GRIA2: variants seen among roughly 807,000 people sequenced by gnomAD.
The protein encoded by GRIA2 is glutamate ionotropic receptor AMPA type subunit 2.
A neutral mutation model predicts 97.3 loss-of-function variants in GRIA2; 14 were observed. The ratio of observed to expected loss-of-function variants is 0.14; its 90% CI spans 0.10 to 0.23. The LOEUF is 0.23. Ranked by LOEUF, GRIA2 falls within the 10% of genes least tolerant of loss-of-function variation. The pLI is 1.00. For missense variants in GRIA2, 558 were observed against 1,069.8 expected, an observed-to-expected ratio of 0.52 and a Z score of 6.67; for synonymous variants, 412 against 387.8, an observed-to-expected ratio of 1.06 and a Z score of -0.73.
intron 2 of GRIA2, among the ~76,000 whole-genome samples, chr4:157,222,308 G>A (rs1350742787): frequency 6.6e-6 from 1 of 152,174 alleles, no homozygotes; most frequent in Non-Finnish European, 1.5e-5. Context: ...GTTTAGATCC[G>A]CAGCACCGGC....
rs143810951 is a variant in GRIA2 at position 157,357,842 on chromosome 4, C to G, written c.2044-2054C>G. On this transcript the variant is annotated intron_variant, in intron 12 of 15. Transcript: ENST00000264426. ...CATTCTTGGAAATATTATATTTACA[C>G]TTAGAGAAATATTCTTAAAACCAGC... 5.3e-5 allele frequency among the ~76,000 whole-genome samples: 8 copies of G among 152,116 alleles called. No individual in the cohort carries two copies. The East Asian group carries it at 9.7e-4, about 18-fold the overall frequency.
At position 157,355,982 on chromosome 4, in the gene GRIA2, T is replaced by A. The variant is rs1232688809; in HGVS notation, c.2044-3914T>A. On this transcript the variant is annotated intron_variant, in intron 12 of 15. Transcript: ENST00000264426. The stretch of plus-strand genomic sequence containing the variant: ...ATTTATGTATATTAATATATATATT[T>A]ATATATTTATATATATTTATATATG... Among the ~76,000 whole-genome samples, 251 of 61,508 alleles carry A rather than the reference T, an allele frequency of 4.1e-3. 13 individuals carry two copies. The highest frequency in any genetic ancestry group is 5.9e-3 in the East Asian group (16 of 2,706). The allele number at this position is 61,508 out of a possible 152,430, so 40.4% of individuals were successfully genotyped here.
chr4:157,342,531 C>G, intron 12 of GRIA2: 1 of 714,918 alleles, frequency 1.4e-6, no homozygotes, highest in South Asian at 6.3e-5. Context: ...TACTTTAATG[C>G]AGATTTTAGA....
rs1481433334 is a variant in GRIA2, at chr4:157,329,061, C to T, written c.883-3758C>T. Among the ~76,000 whole-genome samples, 3 of 151,840 alleles carry T rather than the reference C, an allele frequency of 2.0e-5. No individual in the cohort carries two copies. In the East Asian group the frequency reaches 5.8e-4, roughly 29 times the overall value. On this transcript the variant is annotated intron_variant, in intron 6 of 15. Transcript: ENST00000264426. The stretch of plus-strand genomic sequence containing the variant: ...CGACCTTATCACAGACAGCTCTTTT[C>T]CATAGGGTAAACTGTAGTTGAATTT...
At chr4:157,291,069 G>A (rs1560750109) in intron 2 of GRIA2, among the ~76,000 whole-genome samples, 1 of 151,942 alleles carries the variant, frequency 6.6e-6, no homozygotes, top group African/African-American at 2.4e-5. Flanking sequence ...ACATGCAGTT[G>A]AAATAACTTA....
intron 12 of GRIA2, among the ~76,000 whole-genome samples, chr4:157,354,497 C>A (rs942844638): frequency 1.1e-4 from 17 of 152,078 alleles, no homozygotes; most frequent in African/African-American, 4.1e-4. Flanking sequence ...ATTAATAACA[C>A]AAAACCATGG....
At chr4:157,303,474 C>A (rs1026071764) in intron 2 of GRIA2, 78 bp from the exon 3 acceptor site, 2 of 1,160,862 alleles carry the variant, frequency 1.7e-6, no homozygotes, top group African/African-American at 3.1e-5. Context: ...TGTAAAAGGA[C>A]ATTACGTTTT....
chr4:157,260,448 T>TA (rs1047780831), intron 2 of GRIA2, among the ~76,000 whole-genome samples: 1 of 152,116 alleles, frequency 6.6e-6, no homozygotes, highest in Non-Finnish European at 1.5e-5. Flanking sequence ...TCTGAAGCAC[T>TA]TTGTCCCTTT....
chr4:157,333,185 G>C, intron 7 of GRIA2, 64 bp from the exon 8 acceptor site: 2 of 1,005,970 alleles, frequency 2.0e-6, no homozygotes, highest in Non-Finnish European at 3.0e-6. Context: ...AAAGTAATCT[G>C]TACAGTGTAT....
intron 12 of GRIA2, among the ~76,000 whole-genome samples, chr4:157,353,517 A>T (rs1190361096): frequency 1.3e-5 from 2 of 151,768 alleles, no homozygotes; most frequent in Non-Finnish European, 2.9e-5. Context: ...AAAAATAATA[A>T]AAAAAAAAAT....
intron 2 of GRIA2, among the ~76,000 whole-genome samples, chr4:157,263,188 C>G (rs1420297565): frequency 2.6e-5 from 4 of 151,902 alleles, no homozygotes; most frequent in Non-Finnish European, 5.9e-5. Flanking sequence ...GATATTATAC[C>G]CTTGTTTTTT....
At chr4:157,323,215 A>G (rs562269403) in intron 6 of GRIA2, among the ~76,000 whole-genome samples, 9 of 151,536 alleles carry the variant, frequency 5.9e-5, no homozygotes, top group Admixed American at 1.3e-4. Context: ...GGCTCCTGTA[A>G]TCCCAGCTAC....
chr4:157,336,657 G>T lies in GRIA2; in HGVS notation c.1754G>T (p.Ser585Ile). The T allele has an allele frequency of 6.2e-7, 1 of 1,613,090 alleles. No homozygotes were observed. The highest frequency in any genetic ancestry group is 1.1e-5 in the South Asian group (1 of 91,068). The change falls in exon 11 of 16, where the codon AGT becomes ATT. Residue 585 changes from serine to isoleucine, a missense_variant. Around this residue, in one of 8 missense-constraint regions of GRIA2, gnomAD observed 125 missense variants for 310.2 expected, o/e 0.40. Coordinates refer to ENST00000264426, the MANE Select transcript of GRIA2 (RefSeq NM_001083619.3). ...TTTGAAGATGGAAGAGAAACACAAA[G>T]TAGTGAATCAACTAATGAATTTGGG... ...EEFEDGRETQ[S>I]SESTNEFGIF...
rs5863257 is a variant in GRIA2 at position 157,228,790 on chromosome 4, C to CAAA, written c.229+7001_229+7003dup. On this transcript the variant is annotated intron_variant, in intron 2 of 15. Transcript: ENST00000264426. ...CCTTGGAGATGGCAAGATTCCATCT[C>CAAA]AAAAAAAAAAAAAAAAAAAAGAAGG... is the stretch of plus-strand genomic sequence containing the variant. Among the ~76,000 whole-genome samples the CAAA allele has an allele frequency of 8.1e-3, 320 of 39,592 alleles. 13 individuals carry two copies. The highest frequency in any genetic ancestry group is 0.035 in the African/African-American group (285 of 8,176). The allele number at this position is 39,592 out of a possible 152,430, so 26.0% of individuals were successfully genotyped here.
intron 2 of GRIA2, among the ~76,000 whole-genome samples, chr4:157,277,275 A>G (rs1163290811): frequency 6.6e-6 from 1 of 151,970 alleles, no homozygotes; most frequent in African/African-American, 2.4e-5. Flanking sequence ...AACAAACTAA[A>G]AAAGAAAGAT....
chr4:157,227,903 A>G (rs1729819710), intron 2 of GRIA2, among the ~76,000 whole-genome samples: 1 of 152,242 alleles, frequency 6.6e-6, no homozygotes, highest in African/African-American at 2.4e-5. Context: ...ATGTTCAAAC[A>G]TCAAAATGTC....
At chr4:157,230,706 A>G (rs149569431) in intron 2 of GRIA2, among the ~76,000 whole-genome samples, 7 of 151,756 alleles carry the variant, frequency 4.6e-5, no homozygotes, top group East Asian at 3.9e-4. Context: ...TCAATCTTCT[A>G]TATTAACCTT....
At chr4:157,240,986 T>G (rs1010482904) in intron 2 of GRIA2, among the ~76,000 whole-genome samples, 15 of 148,184 alleles carry the variant, frequency 1.0e-4, no homozygotes, top group East Asian at 2.0e-4. Context: ...TGCGATAGTT[T>G]ACTGAGAATG....
intron 3 of GRIA2, among the ~76,000 whole-genome samples, chr4:157,305,436 G>T: frequency 6.6e-6 from 1 of 151,496 alleles, no homozygotes; most frequent in African/African-American, 2.4e-5. Flanking sequence ...AATTTTTTTT[G>T]GACTGCATTA....
Sources: allele counts gnomAD v4.1 joint callset (sites outside exome capture counted in the v4.1 genomes callset), GRCh38; gene constraint gnomAD v4.1.1; regional missense constraint gnomAD v4.1.1; transcripts MANE v1.5; gene names NCBI Gene and HGNC (gene_info 2026-07-23, HGNC 2026-07-21).